Variants in IGSF23 observed in about 807,000 individuals in gnomAD.
IGSF23 encodes the protein immunoglobulin superfamily member 23.
IGSF23 carries 14 observed loss-of-function variants against 17.8 expected under a neutral mutation model. The observed-to-expected ratio is 0.79, with a 90% CI of 0.52 to 1.23. IGSF23 has a LOEUF of 1.23. Ranked by LOEUF, IGSF23 falls within the 50% of genes most tolerant of loss-of-function variation. The probability of loss-of-function intolerance (pLI) is 0.00; values close to 1 mark genes in which losing one functional copy is unlikely to be tolerated. For missense variants in IGSF23, 214 were observed against 241.7 expected (o/e 0.89, Z 0.76); for synonymous variants, 85 against 92.5 (o/e 0.92, Z 0.46).
At chr19:44,625,852 A>AT (rs1972634280) in intron 2 of IGSF23, among the ~76,000 whole-genome samples, 1 of 152,142 alleles carries the variant, frequency 6.6e-6, no homozygotes, top group Non-Finnish European at 1.5e-5. Flanking sequence ...GTGATAGTCA[A>AT]TAAGTCTCAC....
Position 44,635,367 on chromosome 19 carries a change from TCTCTCTC to T in IGSF23, c.546-33_546-27del, listed in dbSNP as rs762377013. 1.3e-4 allele frequency: 186 copies of T among 1,428,466 alleles called. 1 individual carries two copies. The highest frequency in any genetic ancestry group is 3.3e-4 in the East Asian group (12 of 36,912). 88.5% of individuals were successfully genotyped at this position (1,428,466 alleles called of 1,614,324 possible). A position where few individuals can be genotyped will look rare whatever the true frequency, so the allele number is the denominator to read the frequency against. ...TTCTTATTCTCTCTCTCTCTCTCTC[TCTCTCTC>T]TGTCTCTCTCTCTCTCTCCACTGCA... On this transcript the variant is annotated intron_variant, in intron 3 of 4. Transcript: ENST00000402988.
chr19:44,635,604 TC>T, intron 4 of IGSF23, 139 bp downstream of exon 4: 1 of 580,596 alleles, frequency 1.7e-6, no homozygotes. Context: ...TGTGGAGAGC[TC>T]CAGGAGCTGC....
At chr19:44,621,719 C>T (rs1972526106) in intron 1 of IGSF23, among the ~76,000 whole-genome samples, 1 of 152,158 alleles carries the variant, frequency 6.6e-6, no homozygotes, top group Non-Finnish European at 1.5e-5. Flanking sequence ...ATGCTTTTCA[C>T]ATCATGTCCA....
At chr19:44,624,899 CAAAAAAA>C (rs71171273) in intron 2 of IGSF23, among the ~76,000 whole-genome samples, 28 of 87,740 alleles carry the variant, frequency 3.2e-4, no homozygotes, top group African/African-American at 1.1e-3. Flanking sequence ...CTGTCTCTAC[CAAAAAAA>C]AAAAAAAAAA....
At chr19:44,626,675 G>A (rs1309483318) in intron 2 of IGSF23, among the ~76,000 whole-genome samples, 1 of 152,118 alleles carries the variant, frequency 6.6e-6, no homozygotes, top group Non-Finnish European at 1.5e-5. Flanking sequence ...AGGCGGGTGG[G>A]TCACTTGAGG....
intron 3 of IGSF23, among the ~76,000 whole-genome samples, chr19:44,630,123 G>A (rs1430275490): frequency 2.0e-5 from 3 of 152,146 alleles, no homozygotes; most frequent in African/African-American, 7.2e-5. Flanking sequence ...ACAGACCTCT[G>A]TAATCTATGT....
intron 1 of IGSF23, chr19:44,618,267 C>T (rs1972431998): frequency 2.2e-6 from 1 of 458,892 alleles, no homozygotes; most frequent in African/African-American, 2.0e-5. Context: ...GAAGGGCCTC[C>T]CAGGACCTGC....
intron 1 of IGSF23, among the ~76,000 whole-genome samples, chr19:44,617,206 C>T (rs1171067035): frequency 2.9e-5 from 4 of 136,900 alleles, no homozygotes; most frequent in Admixed American, 7.4e-5. Context: ...GCCAACACAC[C>T]GGCCTACTCT....
chr19:44,635,430 G>C lies in IGSF23; in HGVS notation c.575G>C (p.Ser192Thr), dbSNP rs1972869481. Residue 192 changes from serine (S) to threonine (T), a missense_variant, in exon 4 of 5, where the codon AGC becomes ACC. Transcript: ENST00000402988. ...GACAGGCAGAGAATAGGAATATGCAGCTGAAATGTGGGCAACTCTCCTGTC... is the reference window on the plus strand; with the variant it reads ...GACAGGCAGAGAATAGGAATATGCACCTGAAATGTGGGCAACTCTCCTGTC... The part of the protein sequence containing the change: ...RTDRQRIGIC[S>T] The C allele has an allele frequency of 6.5e-7, 1 of 1,549,146 alleles. No individual in the cohort carries two copies. Among genetic ancestry groups the C allele is most frequent in the Non-Finnish European group, 8.7e-7 (1 of 1,146,524 alleles).
Position 44,627,567 on chromosome 19 carries a change from G to A in IGSF23, c.539G>A (p.Ser180Asn). Residue 180 changes from serine (S) to asparagine (N), a missense_variant, in exon 3 of 5, where the codon AGC becomes AAC. Ser to Asn is a conservative substitution (Grantham distance 46, BLOSUM62 1). Transcript: ENST00000402988. ...IAGMCFIIIQSLRTDRQRIGI... is the reference protein window; with the variant it reads ...IAGMCFIIIQNLRTDRQRIGI... Reference sequence around the variant, plus strand: ...GGCATGTGTTTCATCATCATCCAGAGCCTAAGGTACCTCTATCCCTCACCC... The same window carrying A: ...GGCATGTGTTTCATCATCATCCAGAACCTAAGGTACCTCTATCCCTCACCC... The A allele has an allele frequency of 6.5e-7, 1 of 1,549,808 alleles. No individual in the cohort carries two copies. The highest frequency in any genetic ancestry group is 1.4e-5 in the African/African-American group (1 of 73,156).
intron 1 of IGSF23, 100 bp from the exon 2 acceptor site, chr19:44,623,607 C>T: frequency 1.7e-6 from 2 of 1,187,558 alleles, no homozygotes; most frequent in South Asian, 2.9e-5. Flanking sequence ...AATGAATGAA[C>T]ACATGAAAGA....
At chr19:44,633,268 CA>C (rs1410633619) in intron 3 of IGSF23, among the ~76,000 whole-genome samples, 1 of 152,242 alleles carries the variant, frequency 6.6e-6, no homozygotes, top group African/African-American at 2.4e-5. Flanking sequence ...CTGTTCTAAA[CA>C]TTTTAAAGGT....
intron 1 of IGSF23, among the ~76,000 whole-genome samples, chr19:44,615,277 C>T (rs922319589): frequency 6.0e-5 from 9 of 149,404 alleles, no homozygotes; most frequent in African/African-American, 1.5e-4. Context: ...CGACAGAGCA[C>T]GACTCCGTCT....
chr19:44,617,996 A>T (rs930263361), intron 1 of IGSF23: 21 of 444,086 alleles, frequency 4.7e-5, no homozygotes, highest in Non-Finnish European at 9.7e-5. Flanking sequence ...TTTTTGCAAC[A>T]TCCAGTATAA....
In IGSF23 at chr19:44,632,242, A is replaced by C. The variant is rs376222808; in HGVS notation, c.546-3159A>C. On this transcript the variant is annotated intron_variant, in intron 3 of 4. Coordinates refer to ENST00000402988, the MANE Select transcript of IGSF23 (RefSeq NM_001205280.2). ...TGTAACTGTGTCATAGAGTGATTAC[A>C]TCCAGGCATTATTGCCAGCCAAGAT... 36 of 213,414 alleles carry C rather than the reference A, an allele frequency of 1.7e-4. 1 individual carries two copies. In the South Asian group the frequency reaches 2.0e-3, roughly 12 times the overall value. 13.2% of individuals were successfully genotyped at this position (213,414 alleles called of 1,614,324 possible).
At chr19:44,617,983 C>A (rs1358267824) in intron 1 of IGSF23, 6 of 417,936 alleles carry the variant, frequency 1.4e-5, no homozygotes, top group Non-Finnish European at 3.0e-5. Flanking sequence ...GGTAGAAAAC[C>A]AATTTTTGCA....
At chr19:44,617,132 G>C (rs1972399390) in intron 1 of IGSF23, among the ~76,000 whole-genome samples, 1 of 151,134 alleles carries the variant, frequency 6.6e-6, no homozygotes, top group South Asian at 2.1e-4. Flanking sequence ...TCTGGCTCAA[G>C]TAATCTTCCA....
In IGSF23 at chr19:44,623,992, C is replaced by A; in HGVS notation, c.391+20C>A. 1 of 1,528,652 alleles carries A rather than the reference C, an allele frequency of 6.5e-7. No individual in the cohort carries two copies. The highest frequency in any genetic ancestry group is 8.8e-7 in the Non-Finnish European group (1 of 1,137,616). The allele number at this position is 1,528,652 out of a possible 1,614,324, so 94.7% of individuals were successfully genotyped here. The stretch of plus-strand genomic sequence containing the variant: ...TGCCAAGTGAGTCCCCCATTCCACC[C>A]CACCCCACCCCACCCAAGAGCCCTG... On this transcript the variant is annotated intron_variant, in intron 2 of 4. Transcript: ENST00000402988.
At chr19:44,621,123 G>T (rs1441930753) in intron 1 of IGSF23, among the ~76,000 whole-genome samples, 1 of 148,610 alleles carries the variant, frequency 6.7e-6, no homozygotes, top group Non-Finnish European at 1.5e-5. Flanking sequence ...TCTCAACAAA[G>T]AATTTAAAAA....
Sources: allele counts gnomAD v4.1 joint callset (sites outside exome capture counted in the v4.1 genomes callset), GRCh38; gene constraint gnomAD v4.1.1; transcripts MANE v1.5; gene names NCBI Gene and HGNC (gene_info 2026-07-23, HGNC 2026-07-21).